PCDHGC4: variants seen among roughly 807,000 people sequenced by gnomAD.
The protein encoded by PCDHGC4 is protocadherin gamma subfamily C, 4.
In PCDHGC4, 15 loss-of-function variants were observed where a neutral mutation model predicts 59.7. The observed-to-expected ratio is 0.25, with a 90% CI of 0.17 to 0.39. PCDHGC4 has a LOEUF of 0.39. PCDHGC4 is among the 10% of genes least tolerant of loss of function. The pLI is 1.00. For synonymous variants in PCDHGC4, 434 were observed against 481.4 expected (o/e 0.90, Z 1.29); for missense variants, 1,016 against 1,189.5 (o/e 0.85, Z 2.15).
chr5:141,501,141 A>G (rs940603527), intron 2 of PCDHGC4, among the ~76,000 whole-genome samples: 8 of 152,184 alleles, frequency 5.3e-5, no homozygotes, highest in Admixed American at 5.2e-4. Context: ...TGCTGGGATT[A>G]CAGGTGGGAG....
rs1428628914 is a variant in PCDHGC4, at chr5:141,487,223, G to A, written c.2050G>A (p.Glu684Lys). 1.2e-6 allele frequency: 2 copies of A among 1,614,076 alleles called. No homozygotes were observed. The highest frequency in any genetic ancestry group is 2.2e-5 in the East Asian group (1 of 44,866). ...PDLRESSAPR[E>K]GESRLTLYLA... The stretch of plus-strand genomic sequence containing the variant: ...TCTTCGAGAATCTTCAGCTCCAAGG[G>A]AAGGAGAATCTCGTCTAACCCTCTA... The change falls in exon 1 of 4, where the codon GAA becomes AAA. Residue 684 changes from glutamate (E) to lysine (K), a missense_variant. By Grantham distance (56) the Glu-to-Lys change is moderately conservative. Transcript: ENST00000306593. This position sits in a 1 kb window ranked among gnomAD's most constrained non-coding sequence, Gnocchi z 5.0.
At chr5:141,492,834 G>A (rs544218873) in intron 1 of PCDHGC4, among the ~76,000 whole-genome samples, 7 of 152,214 alleles carry the variant, frequency 4.6e-5, no homozygotes, top group African/African-American at 1.7e-4. Context: ...CCTTCCTCCC[G>A]CAGGAAGTGA....
At chr5:141,508,879 G>A (rs2547559) in intron 3 of PCDHGC4, among the ~76,000 whole-genome samples, 2 of 152,070 alleles carry the variant, frequency 1.3e-5, no homozygotes, top group East Asian at 3.9e-4. Context: ...AGAGGCTGAC[G>A]GCTGGAGGGG....
In PCDHGC4 at chr5:141,490,795, C is replaced by A; in HGVS notation, c.2442+3180C>A. The A allele has an allele frequency of 1.3e-5, 21 of 1,614,036 alleles. No homozygotes were observed. Among genetic ancestry groups the A allele is most frequent in the Non-Finnish European group, 1.8e-5 (21 of 1,179,922 alleles). On this transcript the variant is annotated intron_variant, in intron 1 of 3. Coordinates refer to ENST00000306593, the MANE Select transcript of PCDHGC4 (RefSeq NM_018928.3). This position sits in a 1 kb window ranked among gnomAD's most constrained non-coding sequence, Gnocchi z 5.4. ...CCCAGAGGATGGACGGATCTTTGCC[C>A]AGCGTACCTTTGACTATGAATTGCT...
chr5:141,510,359 T>A (rs1229932307), intron 3 of PCDHGC4, among the ~76,000 whole-genome samples: 3 of 143,318 alleles, frequency 2.1e-5, no homozygotes, highest in African/African-American at 7.7e-5. Flanking sequence ...CTAACGGAAC[T>A]ACCGAATCTC....
Position 141,486,288 on chromosome 5 carries a change from T to C in PCDHGC4, c.1115T>C (p.Ile372Thr). 5 of 1,613,996 alleles carry C rather than the reference T, an allele frequency of 3.1e-6. No individual in the cohort carries two copies. The highest frequency in any genetic ancestry group is 4.2e-6 in the Non-Finnish European group (5 of 1,179,986). ...SAEPGTVVAL[I>T]SVQDPDSGSN... ...GAACCTGGCACTGTGGTGGCACTTA[T>C]CAGTGTGCAGGATCCAGACTCAGGG... Residue 372 changes from isoleucine to threonine, a missense_variant, in exon 1 of 4, where the codon ATC (isoleucine) becomes ACC (threonine). Physicochemically the swap from Ile to Thr is moderately conservative, Grantham distance 89. Coordinates refer to ENST00000306593, the MANE Select transcript of PCDHGC4 (RefSeq NM_018928.3). The surrounding 1 kb of genome is among the most constrained non-coding windows in gnomAD (Gnocchi z 5.0).
chr5:141,506,740 T>C (rs1006665092), intron 3 of PCDHGC4, among the ~76,000 whole-genome samples: 2 of 152,104 alleles, frequency 1.3e-5, no homozygotes, highest in African/African-American at 2.4e-5. Context: ...ATAATGCCTA[T>C]TAATAAAGAC....
chr5:141,504,224 C>T (rs2099836716), intron 2 of PCDHGC4, among the ~76,000 whole-genome samples: 2 of 152,160 alleles, frequency 1.3e-5, no homozygotes, highest in African/African-American at 4.8e-5. Flanking sequence ...TAGAGCTGAA[C>T]CTTCTAAGAA....
Position 141,491,302 on chromosome 5 carries a change from T to TC in PCDHGC4, c.2443-3504dup. The TC allele has an allele frequency of 6.2e-7, 1 of 1,614,126 alleles. No individual in the cohort carries two copies. Among genetic ancestry groups the TC allele is most frequent in the Non-Finnish European group, 8.5e-7 (1 of 1,180,000 alleles). On this transcript the variant is annotated intron_variant, in intron 1 of 3. Transcript: ENST00000306593. The surrounding 1 kb of genome is among the most constrained non-coding windows in gnomAD (Gnocchi z 6.9). ...CTTCCTCATACACCCTCCTGAGCGT[T>TC]CAGACCTTACCCTTTACCTCATTGT... is the stretch of plus-strand genomic sequence containing the variant.
rs1156927948 is a variant in PCDHGC4, at chr5:141,490,342, G to A, written c.2442+2727G>A. 16 of 1,614,126 alleles carry A rather than the reference G, an allele frequency of 9.9e-6. 1 individual carries two copies. In the Admixed American group the frequency reaches 1.3e-4, roughly 13 times the overall value. ...CCTAGAGAGCACACCAGTGGGCACA[G>A]TAGTGGGGTTGTTTAATGTGCGAGA... On this transcript the variant is annotated intron_variant, in intron 1 of 3. Coordinates refer to ENST00000306593, the MANE Select transcript of PCDHGC4 (RefSeq NM_018928.3). This position sits in a 1 kb window ranked among gnomAD's most constrained non-coding sequence, Gnocchi z 5.4.
In PCDHGC4 at chr5:141,489,610, C is replaced by A; in HGVS notation, c.2442+1995C>A. 6.2e-7 allele frequency: 1 copy of A among 1,614,090 alleles called. No individual in the cohort carries two copies. Among genetic ancestry groups the A allele is most frequent in the Non-Finnish European group, 8.5e-7 (1 of 1,179,990 alleles). ...GCTAATCCGTGTAGAGGTAGAGATCCTGGATCTCAATGACAACTCTCCTAG... is the reference window on the plus strand; with the variant it reads ...GCTAATCCGTGTAGAGGTAGAGATCATGGATCTCAATGACAACTCTCCTAG... On this transcript the variant is annotated intron_variant, in intron 1 of 3. Transcript: ENST00000306593. The surrounding 1 kb of genome is among the most constrained non-coding windows in gnomAD (Gnocchi z 4.5).
chr5:141,500,894 C>G (rs1221911920), intron 2 of PCDHGC4, among the ~76,000 whole-genome samples: 1 of 150,982 alleles, frequency 6.6e-6, no homozygotes, highest in African/African-American at 2.4e-5. Flanking sequence ...TTTTTTGAGA[C>G]AGTCTCGCTC....
chr5:141,496,163 A>T (rs1249396595), intron 2 of PCDHGC4, among the ~76,000 whole-genome samples: 2 of 150,100 alleles, frequency 1.3e-5, no homozygotes, highest in Non-Finnish European at 3.0e-5. Flanking sequence ...TCCACCAGAC[A>T]CCCTCCCATC....
Position 141,486,344 on chromosome 5 carries a change from G to C in PCDHGC4, c.1171G>C (p.Asp391His). 6.2e-7 allele frequency: 1 copy of C among 1,614,062 alleles called. No homozygotes were observed. The highest frequency in any genetic ancestry group is 8.5e-7 in the Non-Finnish European group (1 of 1,180,022). Residue 391 changes from aspartate to histidine, a missense_variant, in exon 1 of 4, where the codon GAC becomes CAC. Transcript: ENST00000306593. The surrounding 1 kb of genome is among the most constrained non-coding windows in gnomAD (Gnocchi z 5.0). Reference sequence around the variant, plus strand: ...CGGAGATGTGAGCCTCCGCATTCCTGACCACTTGCCATTTGCCCTCAAGTC... The same window carrying C: ...CGGAGATGTGAGCCTCCGCATTCCTCACCACTTGCCATTTGCCCTCAAGTC... ...SNGDVSLRIPDHLPFALKSAF... is the reference protein window; with the variant it reads ...SNGDVSLRIPHHLPFALKSAF...
intron 3 of PCDHGC4, among the ~76,000 whole-genome samples, chr5:141,509,450 C>A (rs2099876883): frequency 6.6e-6 from 1 of 152,128 alleles, no homozygotes; most frequent in Non-Finnish European, 1.5e-5. Context: ...CCTCTCCCAC[C>A]CCCGACCCAG....
At chr5:141,510,917 C>A in intron 3 of PCDHGC4, 30 bp from the exon 4 acceptor site, 2 of 1,613,854 alleles carry the variant, frequency 1.2e-6, no homozygotes, top group Non-Finnish European at 8.5e-7. Flanking sequence ...CTAAGTTTAG[C>A]TCCCACCTGA....
In PCDHGC4 at chr5:141,485,792, G is replaced by A. The variant is rs114766079; in HGVS notation, c.619G>A (p.Asp207Asn). The A allele has an allele frequency of 6.2e-7, 1 of 1,614,236 alleles. No homozygotes were observed. Among genetic ancestry groups the A allele is most frequent in the East Asian group, 2.2e-5 (1 of 44,880 alleles). ...GCCTTTGGATCGAGAGAAGCAATCG[G>A]ACTACCGCCTGGTGCTGACTGCTGT... ...EKPLDREKQSDYRLVLTAVDG... is the reference protein window; with the variant it reads ...EKPLDREKQSNYRLVLTAVDG... The change falls in exon 1 of 4, where the codon GAC becomes AAC. Residue 207 changes from aspartate to asparagine, a missense_variant. By Grantham distance (23) the Asp-to-Asn change is conservative. Coordinates refer to ENST00000306593, the MANE Select transcript of PCDHGC4 (RefSeq NM_018928.3). This position sits in a 1 kb window ranked among gnomAD's most constrained non-coding sequence, Gnocchi z 5.7.
chr5:141,496,923 C>T (rs963522127), intron 2 of PCDHGC4, among the ~76,000 whole-genome samples: 9 of 150,728 alleles, frequency 6.0e-5, no homozygotes, highest in East Asian at 1.9e-4. Context: ...CTGTGGTTCA[C>T]GCCTGTAATC....
At chr5:141,495,279 G>T (rs72790069) in intron 2 of PCDHGC4, among the ~76,000 whole-genome samples, 4 of 152,146 alleles carry the variant, frequency 2.6e-5, no homozygotes, top group Non-Finnish European at 5.9e-5. Context: ...CGGAGGAGGC[G>T]GTCCGCACTC....
Sources: allele counts gnomAD v4.1 joint callset (sites outside exome capture counted in the v4.1 genomes callset), GRCh38; gene constraint gnomAD v4.1.1; non-coding constraint Gnocchi (gnomAD v3.1); transcripts MANE v1.5; gene names NCBI Gene and HGNC (gene_info 2026-07-23, HGNC 2026-07-21).